MAOA: variants seen among roughly 807,000 people sequenced by gnomAD.
MAOA encodes the protein amine oxidase [flavin-containing] A.
MAOA carries 6 observed loss-of-function variants against 42.0 expected under a neutral mutation model. The ratio of observed to expected loss-of-function variants is 0.14; its 90% CI spans 0.08 to 0.28. The LOEUF (loss-of-function observed/expected upper bound fraction) is 0.28, where lower values mean the gene tolerates loss of function less well. Among genes scored for constraint, MAOA ranks in the 10% least tolerant of loss-of-function variants. The probability of loss-of-function intolerance (pLI) is 1.00; values close to 1 mark genes in which losing one functional copy is unlikely to be tolerated. For missense variants in MAOA, 262 were observed against 422.3 expected (o/e 0.62, Z 3.33); for synonymous variants, 140 against 154.0 (o/e 0.91, Z 0.67).
intron 3 of MAOA, among the ~76,000 whole-genome samples, chrX:43,703,613 T>C (rs73633020): frequency 0.015 from 1,680 of 112,057 alleles, 33 homozygotes; most frequent in African/African-American, 0.052. Context: ...CAAGCCAGAA[T>C]GTGAAGAATG....
chrX:43,692,000 G>GACACAC (rs753022851), intron 2 of MAOA, among the ~76,000 whole-genome samples: 1,712 of 64,953 alleles, frequency 0.026, 22 homozygotes, highest in African/African-American at 0.056. Context: ...GCACTGTATA[G>GACACAC]ACACACACAC....
chrX:43,660,407 A>G (rs984492983), intron 1 of MAOA, among the ~76,000 whole-genome samples: 2 of 110,174 alleles, frequency 1.8e-5, no homozygotes, highest in South Asian at 3.9e-4. Context: ...AGGGCCTTCA[A>G]TGGTCTCCTA....
In MAOA at chrX:43,656,467, G is replaced by A. The variant is rs990456075; in HGVS notation, c.73+53G>A. ...GGGGACCCTGGCCAGTGAGGGGTAGGGGAACCTACAGTAGCTCTTGTGGTG... is the reference window on the plus strand; with the variant it reads ...GGGGACCCTGGCCAGTGAGGGGTAGAGGAACCTACAGTAGCTCTTGTGGTG... On this transcript the variant is annotated intron_variant, in intron 1 of 14. Coordinates refer to ENST00000338702, the MANE Select transcript of MAOA (RefSeq NM_000240.4). 18 of 1,054,162 alleles carry A rather than the reference G, an allele frequency of 1.7e-5. No individual in the cohort carries two copies. The African/African-American group carries it at 3.0e-4, about 17-fold the overall frequency. 86.9% of individuals were successfully genotyped at this position (1,054,162 alleles called of 1,213,427 possible). A position where few individuals can be genotyped will look rare whatever the true frequency, so the allele number is the denominator to read the frequency against.
At chrX:43,694,619 G>A (rs1342026685) in intron 3 of MAOA, among the ~76,000 whole-genome samples, 1 of 112,037 alleles carries the variant, frequency 8.9e-6, no homozygotes, top group Non-Finnish European at 1.9e-5. Context: ...ACAACAGGCT[G>A]TGATCAAAAA....
intron 10 of MAOA, among the ~76,000 whole-genome samples, chrX:43,737,498 C>T (rs988961984): frequency 1.8e-5 from 2 of 111,826 alleles, no homozygotes; most frequent in African/African-American, 6.5e-5. Context: ...GAACCTGTTC[C>T]GTAGGTAGCA....
At chrX:43,669,589 C>T (rs1363119437) in intron 1 of MAOA, among the ~76,000 whole-genome samples, 1 of 111,017 alleles carries the variant, frequency 9.0e-6, no homozygotes, top group Non-Finnish European at 1.9e-5. Flanking sequence ...TCGTTTCACC[C>T]TTATCTAATG....
Position 43,744,965 on chromosome X carries a change from C to T in MAOA, c.*452C>T, listed in dbSNP as rs2147108978. 5.2e-6 allele frequency: 1 copy of T among 193,337 alleles called. No homozygotes were observed. Among genetic ancestry groups the T allele is most frequent in the East Asian group, 1.3e-4 (1 of 7,529 alleles). The allele number at this position is 193,337 out of a possible 1,213,427, so 15.9% of individuals were successfully genotyped here. On this transcript the variant is annotated 3_prime_UTR_variant, in exon 15 of 15. Coordinates refer to ENST00000338702, the MANE Select transcript of MAOA (RefSeq NM_000240.4). ...CTTAGGCAATGGTGAACTGTCATTACAGAGCCTAGAGGCTCACAGCCTCCT... is the reference window on the plus strand; with the variant it reads ...CTTAGGCAATGGTGAACTGTCATTATAGAGCCTAGAGGCTCACAGCCTCCT...
At chrX:43,680,026 G>T (rs780548472) in intron 1 of MAOA, among the ~76,000 whole-genome samples, 18 of 111,880 alleles carry the variant, frequency 1.6e-4, no homozygotes, top group Non-Finnish European at 3.4e-4. Context: ...TAACTGTCAG[G>T]GGATGGCTTT....
chrX:43,691,355 T>G (rs1243344592), intron 2 of MAOA, among the ~76,000 whole-genome samples: 3 of 106,017 alleles, frequency 2.8e-5, no homozygotes, highest in Non-Finnish European at 5.8e-5. Context: ...GCCTGACTGA[T>G]AGAGTAAGAC....
intron 3 of MAOA, among the ~76,000 whole-genome samples, chrX:43,695,029 G>A (rs1043155211): frequency 8.9e-6 from 1 of 111,927 alleles, no homozygotes; most frequent in Non-Finnish European, 1.9e-5. Context: ...CCCATTTTAC[G>A]TTTGAGAAAC....
At chrX:43,733,280 C>T (rs1472980621) in intron 9 of MAOA, among the ~76,000 whole-genome samples, 1 of 112,320 alleles carries the variant, frequency 8.9e-6, no homozygotes, top group African/African-American at 3.2e-5. Flanking sequence ...ATTAGGAGGC[C>T]CAGTTCAGAA....
chrX:43,730,384 A>G (rs1389859374), intron 6 of MAOA, among the ~76,000 whole-genome samples: 1 of 109,941 alleles, frequency 9.1e-6, no homozygotes, highest in African/African-American at 3.3e-5. Context: ...CTATTTAACA[A>G]TATCTAAAGG....
chrX:43,672,641 T>C (rs1453203462), intron 1 of MAOA, among the ~76,000 whole-genome samples: 1 of 111,497 alleles, frequency 9.0e-6, no homozygotes, highest in Non-Finnish European at 1.9e-5. Context: ...TTATTGAGAG[T>C]TTTTAGCATG....
At chrX:43,736,392 A>C in intron 10 of MAOA, 112 bp downstream of exon 10, 1 of 495,146 alleles carries the variant, frequency 2.0e-6, no homozygotes, top group African/African-American at 2.4e-5. Flanking sequence ...AAATATTCTC[A>C]AAATTCCAAC....
chrX:43,731,714 G>T lies in MAOA; in HGVS notation c.816G>T (p.Ala272=). ...TTTAGTGCAAATACGTAATTAATGC[G>T]ATCCCTCCGACCTTGACTGCCAAGA... is the stretch of plus-strand genomic sequence containing the variant. ...EHYECKYVIN[A]IPPTLTAKIH... Residue 272 remains alanine, a synonymous_variant, in exon 8 of 15, where the codon GCG becomes GCT. Coordinates refer to ENST00000338702, the MANE Select transcript of MAOA (RefSeq NM_000240.4). The T allele has an allele frequency of 3.3e-6, 4 of 1,210,891 alleles. No homozygotes were observed. Among genetic ancestry groups the T allele is most frequent in the Non-Finnish European group, 4.5e-6 (4 of 895,021 alleles).
chrX:43,695,969 G>A (rs1028649015), intron 3 of MAOA, among the ~76,000 whole-genome samples: 1 of 111,678 alleles, frequency 9.0e-6, no homozygotes, highest in Non-Finnish European at 1.9e-5. Flanking sequence ...CATATCTTAA[G>A]TGTTAGACTT....
At chrX:43,668,270 C>A (rs1022182267) in intron 1 of MAOA, among the ~76,000 whole-genome samples, 6 of 112,311 alleles carry the variant, frequency 5.3e-5, no homozygotes, top group Non-Finnish European at 1.1e-4. Flanking sequence ...ATTTACATTT[C>A]TTCTGTAAAA....
chrX:43,710,289 C>T (rs944047574), intron 3 of MAOA, among the ~76,000 whole-genome samples: 8 of 112,352 alleles, frequency 7.1e-5, no homozygotes, highest in Non-Finnish European at 1.5e-4. Flanking sequence ...TGTATTGCAG[C>T]GTTACAACAT....
At chrX:43,704,113 A>T (rs1601938677) in intron 3 of MAOA, among the ~76,000 whole-genome samples, 1 of 111,703 alleles carries the variant, frequency 9.0e-6, no homozygotes, top group African/African-American at 3.2e-5. Context: ...CCAAAAAAAT[A>T]CAAGAGGAGG....
Sources: gnomAD v4.1 joint callset for allele counts (sites outside exome capture counted in the v4.1 genomes callset) on GRCh38, gnomAD v4.1.1 for gene constraint, MANE v1.5 for transcripts, NCBI Gene and HGNC (gene_info 2026-07-23, HGNC 2026-07-21) for gene names.